Variants in AGAP1 observed in about 807,000 individuals in gnomAD.
AGAP1 encodes arf-GAP with GTPase, ANK repeat and PH domain-containing protein 1.
Under a neutral mutation model 105.3 loss-of-function variants are expected in AGAP1, and 29 were observed. The ratio of observed to expected loss-of-function variants is 0.28; its 90% CI spans 0.21 to 0.38. The LOEUF (loss-of-function observed/expected upper bound fraction) is 0.38. AGAP1 is among the 10% of genes least tolerant of loss of function. The pLI is 1.00. For missense variants in AGAP1, 998 were observed against 1,165.1 expected, an observed-to-expected ratio of 0.86 and a Z score of 2.09; for synonymous variants, 509 against 485.9, an observed-to-expected ratio of 1.05 and a Z score of -0.63.
At chr2:235,949,377 A>G (rs1056382325) in intron 12 of AGAP1, among the ~76,000 whole-genome samples, 2 of 152,198 alleles carry the variant, frequency 1.3e-5, no homozygotes, top group Non-Finnish European at 2.9e-5. Context: ...ATTGGTAAGA[A>G]GTGCTGCCAT....
Position 236,036,481 on chromosome 2 carries a change from G to T in AGAP1, c.1646-80G>T, listed in dbSNP as rs2057385614. On this transcript the variant is annotated intron_variant, in intron 13 of 17. Coordinates refer to ENST00000304032, the MANE Select transcript of AGAP1 (RefSeq NM_001037131.3). The surrounding 1 kb of genome is among the most constrained non-coding windows in gnomAD (Gnocchi z 5.7). The stretch of plus-strand genomic sequence containing the variant: ...CATGCAGGGGCAGCTGAACCCAGAG[G>T]CGCTTCTGTGACAGAGGGCCCGCAG... The T allele has an allele frequency of 2.6e-6, 4 of 1,554,802 alleles. No homozygotes were observed. In the South Asian group the frequency reaches 4.9e-5, roughly 19 times the overall value.
rs78576487 is a variant in AGAP1, at chr2:236,078,236, G to C, written c.2114+28955G>C. ...GTGCAGGCCGGCGTTCTGGAAACTC[G>C]GGCAGAAGTTAATGCTGCATGCTTG... On this transcript the variant is annotated intron_variant, in intron 16 of 17. Transcript: ENST00000304032. This position sits in a 1 kb window ranked among gnomAD's most constrained non-coding sequence, Gnocchi z 5.3. Among the ~76,000 whole-genome samples the C allele has an allele frequency of 2.6e-5, 4 of 151,984 alleles. No homozygotes were observed. Among genetic ancestry groups the C allele is most frequent in the Non-Finnish European group, 5.9e-5 (4 of 68,006 alleles).
intron 1 of AGAP1, among the ~76,000 whole-genome samples, chr2:235,515,764 T>G (rs2149038780): frequency 6.6e-6 from 1 of 152,336 alleles, no homozygotes; most frequent in South Asian, 2.1e-4. Flanking sequence ...TGCAAACTGT[T>G]AAGATGCTGT....
chr2:235,796,349 T>G (rs2150035715), intron 6 of AGAP1, among the ~76,000 whole-genome samples: 1 of 152,324 alleles, frequency 6.6e-6, no homozygotes, highest in South Asian at 2.1e-4. Context: ...AATAAATGTC[T>G]TCAAAGACCC....
At chr2:235,862,261 G>C (rs1266702707) in intron 9 of AGAP1, among the ~76,000 whole-genome samples, 2 of 152,096 alleles carry the variant, frequency 1.3e-5, no homozygotes, top group Non-Finnish European at 2.9e-5. Flanking sequence ...AATCAGTTCG[G>C]GATGGTATTC....
At position 235,900,261 on chromosome 2, in the gene AGAP1, T is replaced by C. The variant is rs1244096130; in HGVS notation, c.1156-8477T>C. On this transcript the variant is annotated intron_variant, in intron 10 of 17. Transcript: ENST00000304032. This position sits in a 1 kb window ranked among gnomAD's most constrained non-coding sequence, Gnocchi z 5.5. ...TCCATGATGGAGTAGTAGACTGATT[T>C]CATCTTGATAGTCTGGGTCAGTCAC... 6.6e-6 allele frequency among the ~76,000 whole-genome samples: 1 copy of C among 152,232 alleles called. No homozygotes were observed. The highest frequency in any genetic ancestry group is 1.5e-5 in the Non-Finnish European group (1 of 68,050).
rs2125411287 is a variant in AGAP1, at chr2:235,982,031, A to G, written c.1645+13408A>G. On this transcript the variant is annotated intron_variant, in intron 13 of 17. Coordinates refer to ENST00000304032, the MANE Select transcript of AGAP1 (RefSeq NM_001037131.3). This position sits in a 1 kb window ranked among gnomAD's most constrained non-coding sequence, Gnocchi z 4.9. ...ATAAGTTAATATTCCAACCATAAAA[A>G]CTTCTGACATTTTACCCGAGGCTGT... Among the ~76,000 whole-genome samples, 1 of 152,308 alleles carries G rather than the reference A, an allele frequency of 6.6e-6. No individual in the cohort carries two copies. Among genetic ancestry groups the G allele is most frequent in the South Asian group, 2.1e-4 (1 of 4,826 alleles).
At chr2:235,593,098 T>C (rs1240144273) in intron 1 of AGAP1, among the ~76,000 whole-genome samples, 1 of 151,830 alleles carries the variant, frequency 6.6e-6, no homozygotes, top group African/African-American at 2.4e-5. Flanking sequence ...GGGAGAGGGA[T>C]GCAGGTTGTG....
intron 1 of AGAP1, among the ~76,000 whole-genome samples, chr2:235,544,531 G>A (rs1191324389): frequency 6.6e-6 from 1 of 152,182 alleles, no homozygotes; most frequent in African/African-American, 2.4e-5. Flanking sequence ...ATTTCTCAAG[G>A]CGAGGAGCCA....
intron 1 of AGAP1, among the ~76,000 whole-genome samples, chr2:235,686,550 TATATATACACACACACAC>T (rs1442798220): frequency 2.1e-4 from 19 of 90,196 alleles, no homozygotes; most frequent in Middle Eastern, 5.9e-3. Flanking sequence ...GAAGGAGATA[TATATATACACACACACAC>T]ACACACACAC....
chr2:235,995,661 C>G (rs1165186946), intron 13 of AGAP1, among the ~76,000 whole-genome samples: 4 of 152,182 alleles, frequency 2.6e-5, no homozygotes, highest in African/African-American at 9.7e-5. Flanking sequence ...CACTGCGGGT[C>G]CGATTCTGCC....
chr2:235,781,201 A>G (rs1179816083), intron 6 of AGAP1, among the ~76,000 whole-genome samples: 2 of 152,200 alleles, frequency 1.3e-5, no homozygotes, highest in Non-Finnish European at 2.9e-5. Flanking sequence ...GAAAATGTCT[A>G]AATTTTCCCA....
chr2:236,065,729 G>C (rs1259087565), intron 16 of AGAP1, among the ~76,000 whole-genome samples: 2 of 152,230 alleles, frequency 1.3e-5, no homozygotes, highest in African/African-American at 4.8e-5. Flanking sequence ...TCTTCTGACA[G>C]CTGCCTCCTG....
At position 235,927,358 on chromosome 2, in the gene AGAP1, CAG is replaced by C. The variant is rs1049576042; in HGVS notation, c.1325-3404_1325-3403del. 2.0e-5 allele frequency among the ~76,000 whole-genome samples: 3 copies of C among 152,196 alleles called. No individual in the cohort carries two copies. The highest frequency in any genetic ancestry group is 4.4e-5 in the Non-Finnish European group (3 of 68,022). The stretch of plus-strand genomic sequence containing the variant: ...GAAGGTGGGCTCTGAGCCACACCCT[CAG>C]AGCTGCTGCACCAGCATCTCAGTGG... On this transcript the variant is annotated intron_variant, in intron 11 of 17. Transcript: ENST00000304032. The surrounding 1 kb of genome is among the most constrained non-coding windows in gnomAD (Gnocchi z 4.4).
Position 235,502,068 on chromosome 2 carries a change from G to T in AGAP1, c.163+7219G>T, listed in dbSNP as rs1186399013. ...TCTGGAAGCTCTGTGCTTCTGAGGG[G>T]CTGAGGGGGATTTGGGGGTCCCTTT... On this transcript the variant is annotated intron_variant, in intron 1 of 17. Transcript: ENST00000304032. Among the ~76,000 whole-genome samples the T allele has an allele frequency of 2.6e-5, 4 of 151,064 alleles. 1 individual carries two copies. The highest frequency in any genetic ancestry group is 9.6e-5 in the African/African-American group (4 of 41,488).
chr2:236,008,461 T>C (rs146144972), intron 13 of AGAP1, among the ~76,000 whole-genome samples: 43 of 152,328 alleles, frequency 2.8e-4, no homozygotes, highest in African/African-American at 9.4e-4. Flanking sequence ...CATTAGAAAT[T>C]TATCATGAAG....
At chr2:235,821,451 T>C (rs1414010540) in intron 9 of AGAP1, among the ~76,000 whole-genome samples, 2 of 151,120 alleles carry the variant, frequency 1.3e-5, no homozygotes, top group Admixed American at 1.3e-4. Context: ...TGGTGCGATC[T>C]TGGCTCACTG....
At chr2:235,711,069 T>C (rs75548872) in intron 2 of AGAP1, among the ~76,000 whole-genome samples, 34,356 of 152,208 alleles carry the variant, frequency 0.23, 5,066 homozygotes, top group East Asian at 0.42. Flanking sequence ...CTGGAGCTGG[T>C]GCTTCCACCA....
rs1349256169 is a variant in AGAP1, at chr2:235,866,674, C to T, written c.1051-16671C>T. On this transcript the variant is annotated intron_variant, in intron 9 of 17. Coordinates refer to ENST00000304032, the MANE Select transcript of AGAP1 (RefSeq NM_001037131.3). This position sits in a 1 kb window ranked among gnomAD's most constrained non-coding sequence, Gnocchi z 6.1. ...AGAAGACCACAGACTTTGTCTTAAACAGCAAACATTTATTGTCTCCCAATT... is the reference window on the plus strand; with the variant it reads ...AGAAGACCACAGACTTTGTCTTAAATAGCAAACATTTATTGTCTCCCAATT... Among the ~76,000 whole-genome samples, 1 of 152,234 alleles carries T rather than the reference C, an allele frequency of 6.6e-6. No individual in the cohort carries two copies. Among genetic ancestry groups the T allele is most frequent in the East Asian group, 1.9e-4 (1 of 5,198 alleles).
Sources: allele counts gnomAD v4.1 joint callset (sites outside exome capture counted in the v4.1 genomes callset), GRCh38; gene constraint gnomAD v4.1.1; non-coding constraint Gnocchi (gnomAD v3.1); transcripts MANE v1.5; gene names NCBI Gene and HGNC (gene_info 2026-07-23, HGNC 2026-07-21).